The following VPS13C variants were observed in gnomAD, a reference collection of about 807,000 sequenced individuals.
VPS13C encodes vacuolar protein sorting 13 homolog C, also known as intermembrane lipid transfer protein VPS13C.
In VPS13C, 358 loss-of-function variants were observed where a neutral mutation model predicts 456.8. That is an observed-to-expected ratio of 0.78 (90% CI 0.72 to 0.86). The LOEUF is 0.86. VPS13C is among the 40% of genes least tolerant of loss of function. VPS13C has a pLI of 0.00. For synonymous variants in VPS13C, 1,578 were observed against 1,486.7 expected (o/e 1.06, Z -1.41); for missense variants, 4,818 against 4,385.4 (o/e 1.10, Z -2.79).
chr15:61,857,958 GC>G (rs57085708), intron 82 of VPS13C, among the ~76,000 whole-genome samples: 1 of 152,080 alleles, frequency 6.6e-6, no homozygotes, highest in African/African-American at 2.4e-5. Context: ...AACATCCCTA[GC>G]CCCAGCCTAG....
intron 22 of VPS13C, 50 bp from the exon 23 acceptor site, chr15:61,978,799 A>G (rs1289048653): frequency 9.8e-6 from 15 of 1,534,394 alleles, no homozygotes; most frequent in African/African-American, 2.8e-5. Flanking sequence ...AGAAAAGCAC[A>G]TACATCAACA....
At chr15:62,015,160 T>G (rs1309234080) in intron 9 of VPS13C, among the ~76,000 whole-genome samples, 1 of 152,216 alleles carries the variant, frequency 6.6e-6, no homozygotes, top group East Asian at 1.9e-4. Context: ...CACAGTTTTC[T>G]GGAACAATTC....
At chr15:61,960,249 T>C (rs539671860) in intron 35 of VPS13C, among the ~76,000 whole-genome samples, 6 of 152,284 alleles carry the variant, frequency 3.9e-5, no homozygotes, top group African/African-American at 1.2e-4. Context: ...AACCGGACTG[T>C]AGTCTTCAAA....
intron 53 of VPS13C, 48 bp downstream of exon 53, chr15:61,925,408 G>C: frequency 8.4e-7 from 1 of 1,184,710 alleles, no homozygotes; most frequent in Non-Finnish European, 1.2e-6. Flanking sequence ...ATGCAATGTC[G>C]TGAAGAAAAA....
intron 81 of VPS13C, chr15:61,866,307 G>C (rs1222103041): frequency 1.0e-6 from 1 of 983,212 alleles, no homozygotes; most frequent in African/African-American, 1.8e-5. Flanking sequence ...TAAAAACTAA[G>C]AAATCAGACA....
chr15:62,039,257 A>AG (rs1363237546), intron 3 of VPS13C, among the ~76,000 whole-genome samples: 1 of 152,296 alleles, frequency 6.6e-6, no homozygotes, highest in Admixed American at 6.5e-5. Flanking sequence ...GCAGCCATAA[A>AG]AAAGAATGAA....
At chr15:61,940,504 G>C (rs1051910050) in intron 47 of VPS13C, 143 bp downstream of exon 47, 15 of 679,834 alleles carry the variant, frequency 2.2e-5, no homozygotes, top group Non-Finnish European at 2.6e-5. Flanking sequence ...ACATACAACA[G>C]ACAAATGCTC....
chr15:61,954,215 TACA>T (rs1163955813), intron 38 of VPS13C, among the ~76,000 whole-genome samples: 1 of 152,188 alleles, frequency 6.6e-6, no homozygotes, highest in African/African-American at 2.4e-5. Context: ...AAGCATGTTA[TACA>T]ACATGCTGTC....
chr15:62,017,694 G>T lies in VPS13C; in HGVS notation c.684+2785C>A, dbSNP rs375936881. Among the ~76,000 whole-genome samples the T allele has an allele frequency of 3.3e-5, 5 of 151,860 alleles. No homozygotes were observed. The East Asian group carries it at 5.8e-4, about 18-fold the overall frequency. On this transcript the variant is annotated intron_variant, in intron 9 of 84. Coordinates refer to ENST00000644861, the MANE Select transcript of VPS13C (RefSeq NM_020821.3). ...TGCTGTTTTGGTTACTGTAGCCTTG[G>T]AGTATAGTTTGAAGTCAGGTAGCGT...
intron 16 of VPS13C, among the ~76,000 whole-genome samples, chr15:61,996,218 A>C (rs934456900): frequency 2.0e-5 from 3 of 152,196 alleles, no homozygotes; most frequent in Non-Finnish European, 4.4e-5. Flanking sequence ...AATATGAACC[A>C]CCCACGCAAG....
chr15:61,901,430 C>A (rs1397523548), intron 66 of VPS13C, among the ~76,000 whole-genome samples: 1 of 151,854 alleles, frequency 6.6e-6, no homozygotes, highest in Non-Finnish European at 1.5e-5. Flanking sequence ...AAACAAACAA[C>A]CCCATCAAAA....
At chr15:61,949,644 C>T in intron 41 of VPS13C, 39 bp from the exon 42 acceptor site, 1 of 1,566,470 alleles carries the variant, frequency 6.4e-7, no homozygotes, top group Non-Finnish European at 8.6e-7. Context: ...ATTTCAGATG[C>T]AGTAAAATCT....
chr15:62,007,831 G>A (rs566623761), intron 14 of VPS13C, among the ~76,000 whole-genome samples: 4 of 152,162 alleles, frequency 2.6e-5, no homozygotes, highest in East Asian at 1.9e-4. Context: ...TTTGGGAACC[G>A]GCAGGGTGCT....
chr15:61,859,768 C>A (rs2140840580), intron 82 of VPS13C, among the ~76,000 whole-genome samples: 1 of 152,098 alleles, frequency 6.6e-6, no homozygotes, highest in Middle Eastern at 3.4e-3. Context: ...GCCCCCTGCC[C>A]ATTAAAATAG....
chr15:61,928,481 T>A (rs1389908370), intron 51 of VPS13C, among the ~76,000 whole-genome samples: 1 of 152,172 alleles, frequency 6.6e-6, no homozygotes, highest in African/African-American at 2.4e-5. Flanking sequence ...TAAAAAACAT[T>A]AAAGGTAAAT....
intron 4 of VPS13C, 85 bp from the exon 5 acceptor site, chr15:62,033,627 G>T (rs1223037932): frequency 3.4e-6 from 3 of 871,714 alleles, no homozygotes; most frequent in African/African-American, 1.8e-5. Flanking sequence ...TTAGGATTGT[G>T]TAAGTGTATA....
intron 81 of VPS13C, chr15:61,866,777 T>C (rs1336892996): frequency 2.0e-6 from 2 of 983,062 alleles, no homozygotes; most frequent in African/African-American, 3.5e-5. Context: ...TTCTTTAAAG[T>C]GGTTAAACAT....
rs756142067 is a variant in VPS13C, at chr15:61,972,755, T to G, written c.2627A>C (p.Asp876Ala). ...LLDTVESESD[D>A]EYFDAEDGEP... ...TCCATCTTCAGCATCAAAATACTCA[T>G]CATCAGACTCTAAAGGAAAAAGACA... The change falls in exon 27 of 85, where the codon GAT becomes GCT. Residue 876 changes from aspartate (D) to alanine (A), a missense_variant. Physicochemically the swap from Asp to Ala is moderately radical, Grantham distance 126 (BLOSUM62 -2). Around this residue, in one of 3 missense-constraint regions of VPS13C, gnomAD observed 4,552 missense variants for 4,130.6 expected, o/e 1.10. Transcript: ENST00000644861. 4 of 1,610,134 alleles carry G rather than the reference T, an allele frequency of 2.5e-6. No homozygotes were observed. The highest frequency in any genetic ancestry group is 3.4e-6 in the Non-Finnish European group (4 of 1,178,256).
At chr15:61,934,925 G>T (rs573504483) in intron 48 of VPS13C, among the ~76,000 whole-genome samples, 2 of 151,878 alleles carry the variant, frequency 1.3e-5, no homozygotes, top group Non-Finnish European at 2.9e-5. Flanking sequence ...TAATTTTTTT[G>T]TATTTTTAGT....
Sources: gnomAD v4.1 joint callset for allele counts (sites outside exome capture counted in the v4.1 genomes callset) on GRCh38, gnomAD v4.1.1 for gene constraint, gnomAD v4.1.1 regional missense constraint, MANE v1.5 for transcripts, NCBI Gene and HGNC (gene_info 2026-07-23, HGNC 2026-07-21) for gene names.